Variants in DPYD observed in about 807,000 individuals in gnomAD.
The protein encoded by DPYD is dihydropyrimidine dehydrogenase, also known as dihydropyrimidine dehydrogenase [NADP(+)].
Under a neutral mutation model 116.2 loss-of-function variants are expected in DPYD, and 109 were observed. The ratio of observed to expected loss-of-function variants is 0.94; its 90% CI spans 0.80 to 1.10. The LOEUF (loss-of-function observed/expected upper bound fraction) is 1.10, where lower values mean the gene tolerates loss of function less well. Among genes scored for constraint, DPYD ranks in the 50% least tolerant of loss-of-function variants. The pLI is 0.00. For synonymous variants in DPYD, 440 were observed against 432.0 expected (o/e 1.02, Z -0.23); for missense variants, 1,302 against 1,254.5 (o/e 1.04, Z -0.57).
chr1:97,250,194 T>A (rs1662995617), intron 18 of DPYD, among the ~76,000 whole-genome samples: 1 of 151,878 alleles, frequency 6.6e-6, no homozygotes, highest in African/African-American at 2.4e-5. Flanking sequence ...CGCGTGAACA[T>A]GGGAGACGGA....
intron 18 of DPYD, among the ~76,000 whole-genome samples, chr1:97,261,850 G>A (rs1039644138): frequency 6.6e-6 from 1 of 151,936 alleles, no homozygotes; most frequent in Non-Finnish European, 1.5e-5. Context: ...AACTCCGTAA[G>A]TTTTTTTCAT....
chr1:97,783,910 A>G (rs910093210), intron 3 of DPYD, among the ~76,000 whole-genome samples: 23 of 152,304 alleles, frequency 1.5e-4, no homozygotes, highest in African/African-American at 4.8e-4. Flanking sequence ...CTTCCAATAA[A>G]ATAATGGTTC....
intron 2 of DPYD, among the ~76,000 whole-genome samples, chr1:97,837,827 A>G (rs1266128525): frequency 6.6e-6 from 1 of 152,186 alleles, no homozygotes; most frequent in Non-Finnish European, 1.5e-5. Context: ...TAAAAATCTA[A>G]CATAGCAGAT....
chr1:97,261,568 A>G (rs1276656315), intron 18 of DPYD, among the ~76,000 whole-genome samples: 1 of 150,290 alleles, frequency 6.7e-6, no homozygotes, highest in African/African-American at 2.4e-5. Context: ...GGAAAATTCA[A>G]AGGGAAATTG....
At chr1:97,128,937 T>G (rs899546266) in intron 20 of DPYD, among the ~76,000 whole-genome samples, 2 of 151,650 alleles carry the variant, frequency 1.3e-5, no homozygotes, top group Non-Finnish European at 2.9e-5. Context: ...AATACCATTT[T>G]TCTGTCCTCT....
chr1:97,170,864 TG>T (rs765314327), intron 20 of DPYD, among the ~76,000 whole-genome samples: 11 of 151,896 alleles, frequency 7.2e-5, no homozygotes, highest in Non-Finnish European at 1.5e-4. Flanking sequence ...TTAGTAGAGA[TG>T]GGGTTTCACC....
At chr1:97,661,051 T>C (rs556489258) in intron 8 of DPYD, among the ~76,000 whole-genome samples, 3 of 152,310 alleles carry the variant, frequency 2.0e-5, no homozygotes, top group African/African-American at 7.2e-5. Context: ...AATTATTGTA[T>C]GAGGTACCAT....
chr1:97,242,006 C>A (rs12738234), intron 18 of DPYD, among the ~76,000 whole-genome samples: 19,213 of 149,680 alleles, frequency 0.13, 1,945 homozygotes, highest in East Asian at 0.27. Context: ...TATATTATTT[C>A]ATTGGCTTCA....
chr1:97,351,808 C>G (rs369878331), intron 16 of DPYD, among the ~76,000 whole-genome samples: 1 of 151,792 alleles, frequency 6.6e-6, no homozygotes, highest in Non-Finnish European at 1.5e-5. Flanking sequence ...ATCAGTCAGG[C>G]AAATAAAAGC....
intron 12 of DPYD, among the ~76,000 whole-genome samples, chr1:97,537,308 T>C (rs1269103533): frequency 6.6e-6 from 1 of 152,194 alleles, no homozygotes; most frequent in Non-Finnish European, 1.5e-5. Context: ...CAACCCAGCA[T>C]TGTGGATTCA....
chr1:97,748,681 T>C (rs979428285), intron 3 of DPYD, among the ~76,000 whole-genome samples: 17 of 152,172 alleles, frequency 1.1e-4, no homozygotes, highest in Admixed American at 1.1e-3. Context: ...CGGGCACATA[T>C]ATAAGTGCTC....
intron 3 of DPYD, among the ~76,000 whole-genome samples, chr1:97,759,191 C>T (rs910882909): frequency 4.6e-5 from 7 of 152,098 alleles, no homozygotes; most frequent in African/African-American, 1.7e-4. Flanking sequence ...TGCATCCTAC[C>T]AAAACAAAGC....
intron 13 of DPYD, among the ~76,000 whole-genome samples, chr1:97,509,023 T>C (rs1647575487): frequency 6.6e-6 from 1 of 151,876 alleles, no homozygotes; most frequent in African/African-American, 2.4e-5. Flanking sequence ...GACCCAGGCA[T>C]GTGAATGAAA....
rs747132274 is a variant in DPYD, at chr1:97,234,946, C to A, written c.2348G>T (p.Arg783Leu). ...IALRAVTSIA[R>L]ALPGFPILAT... ...CAAAATGGGAAATCCAGGCAGAGCA[C>A]GAGCAATGGAGGTCACAGCTCTCAA... Residue 783 changes from arginine to leucine, a missense_variant, in exon 19 of 23, where the codon CGT (arginine) becomes CTT (leucine). By Grantham distance (102) the Arg-to-Leu change is moderately radical. Coordinates refer to ENST00000370192, the MANE Select transcript of DPYD (RefSeq NM_000110.4). 9.3e-6 allele frequency: 15 copies of A among 1,613,848 alleles called. No homozygotes were observed. Among genetic ancestry groups the A allele is most frequent in the African/African-American group, 1.3e-5 (1 of 74,860 alleles).
intron 8 of DPYD, among the ~76,000 whole-genome samples, chr1:97,631,952 GC>G (rs1657286190): frequency 6.6e-6 from 1 of 152,000 alleles, no homozygotes; most frequent in Non-Finnish European, 1.5e-5. Context: ...CATAAATATA[GC>G]CACAGGACTT....
chr1:97,195,299 C>T (rs1335699581), intron 19 of DPYD, among the ~76,000 whole-genome samples: 1 of 151,806 alleles, frequency 6.6e-6, no homozygotes, highest in Non-Finnish European at 1.5e-5. Flanking sequence ...AAAGAAAAAT[C>T]ATGTCATGCA....
chr1:97,408,323 T>G (rs1673790603), intron 14 of DPYD, among the ~76,000 whole-genome samples: 1 of 152,184 alleles, frequency 6.6e-6, no homozygotes, highest in African/African-American at 2.4e-5. Context: ...TCATGAGTAT[T>G]TCCTTCTTAT....
At chr1:97,885,990 G>T (rs1309917990) in intron 1 of DPYD, among the ~76,000 whole-genome samples, 1 of 151,986 alleles carries the variant, frequency 6.6e-6, no homozygotes, top group African/African-American at 2.4e-5. Flanking sequence ...AAGGACCTCT[G>T]CAGACTGACT....
intron 2 of DPYD, among the ~76,000 whole-genome samples, chr1:97,842,791 A>T (rs1226220766): frequency 6.6e-6 from 1 of 152,072 alleles, no homozygotes; most frequent in African/African-American, 2.4e-5. Context: ...TAAAGTTATG[A>T]AGAGAAAATC....
Sources: gnomAD v4.1 joint callset for allele counts (sites outside exome capture counted in the v4.1 genomes callset) on GRCh38, gnomAD v4.1.1 for gene constraint, MANE v1.5 for transcripts, NCBI Gene and HGNC (gene_info 2026-07-23, HGNC 2026-07-21) for gene names.